The following IKZF1 variants were observed in gnomAD, a reference collection of about 807,000 sequenced individuals.
IKZF1 encodes DNA-binding protein Ikaros.
IKZF1 carries 10 observed loss-of-function variants against 51.7 expected under a neutral mutation model. The observed-to-expected ratio is 0.19, with a 90% confidence interval of 0.12 to 0.33. IKZF1 has a LOEUF of 0.33. Ranked by LOEUF, IKZF1 falls within the 10% of genes least tolerant of loss-of-function variation. IKZF1 has a pLI of 1.00. For synonymous variants in IKZF1, 280 were observed against 282.3 expected (o/e 0.99, Z 0.08); for missense variants, 484 against 707.5 (o/e 0.68, Z 3.58).
chr7:50,341,699 C>T (rs1481248146), intron 3 of IKZF1, among the ~76,000 whole-genome samples: 9 of 152,124 alleles, frequency 5.9e-5, no homozygotes, highest in Non-Finnish European at 1.0e-4. Flanking sequence ...AGAAAAATGA[C>T]ACAGGTGAAA....
intron 3 of IKZF1, chr7:50,369,645 C>T (rs1340578983): frequency 7.5e-6 from 3 of 398,430 alleles, no homozygotes; most frequent in Admixed American, 4.4e-5. Flanking sequence ...GAAGAATTGC[C>T]CCCTTTGCCC....
In IKZF1 at chr7:50,334,548, C is replaced by T. The variant is rs892594542; in HGVS notation, c.160+6791C>T. Among the ~76,000 whole-genome samples, 8 of 148,246 alleles carry T rather than the reference C, an allele frequency of 5.4e-5. No homozygotes were observed. The East Asian group carries it at 1.4e-3, about 27-fold the overall frequency. On this transcript the variant is annotated intron_variant, in intron 3 of 7. Coordinates refer to ENST00000331340, the MANE Select transcript of IKZF1 (RefSeq NM_006060.6). Reference sequence around the variant, plus strand: ...TGTATGTGTAGTGTATATGTGTATGCTGTGTATATGTATATGGGGTGTGTA... The same window carrying T: ...TGTATGTGTAGTGTATATGTGTATGTTGTGTATATGTATATGGGGTGTGTA...
chr7:50,352,170 T>C (rs892298608), intron 3 of IKZF1, among the ~76,000 whole-genome samples: 1 of 152,238 alleles, frequency 6.6e-6, no homozygotes, highest in Non-Finnish European at 1.5e-5. Context: ...AGTACACTTG[T>C]GTTTCCCTGG....
chr7:50,349,868 G>T (rs989538770), intron 3 of IKZF1, among the ~76,000 whole-genome samples: 4 of 152,158 alleles, frequency 2.6e-5, no homozygotes, highest in African/African-American at 7.2e-5. Context: ...GAAAAATAAG[G>T]CTGAAACCTA....
chr7:50,391,112 A>G (rs1465652212), intron 6 of IKZF1, among the ~76,000 whole-genome samples: 1 of 152,244 alleles, frequency 6.6e-6, no homozygotes, highest in Non-Finnish European at 1.5e-5. Context: ...AACAATTGAG[A>G]ATGACTAGAA....
At chr7:50,360,979 G>C (rs1293242890) in intron 3 of IKZF1, among the ~76,000 whole-genome samples, 1 of 152,182 alleles carries the variant, frequency 6.6e-6, no homozygotes, top group Non-Finnish European at 1.5e-5. Flanking sequence ...TATCATTTTG[G>C]CCCAGTGATC....
At position 50,382,016 on chromosome 7, in the gene IKZF1, G is replaced by T. The variant is rs528474606; in HGVS notation, c.422-524G>T. Reference sequence around the variant, plus strand: ...GGGAAAATACAGGGAAAATGTAAATGAAAAGAAGTTATTATAACTGTTATA... The same window carrying T: ...GGGAAAATACAGGGAAAATGTAAATTAAAAGAAGTTATTATAACTGTTATA... On this transcript the variant is annotated intron_variant, in intron 4 of 7. Coordinates refer to ENST00000331340, the MANE Select transcript of IKZF1 (RefSeq NM_006060.6). 3.2e-4 allele frequency among the ~76,000 whole-genome samples: 48 copies of T among 152,316 alleles called. No individual in the cohort carries two copies. In the South Asian group the frequency reaches 1.0e-2, roughly 32 times the overall value.
chr7:50,374,199 T>C (rs1809559236), intron 3 of IKZF1, among the ~76,000 whole-genome samples: 1 of 152,152 alleles, frequency 6.6e-6, no homozygotes, highest in African/African-American at 2.4e-5. Context: ...GCCCTCCATA[T>C]CCATGGGTTC....
At chr7:50,350,136 C>T (rs1220353474) in intron 3 of IKZF1, among the ~76,000 whole-genome samples, 4 of 152,242 alleles carry the variant, frequency 2.6e-5, no homozygotes, top group African/African-American at 9.6e-5. Context: ...ATGGCCACCA[C>T]CGTCCGCTGG....
At chr7:50,337,225 G>T (rs1798016810) in intron 3 of IKZF1, among the ~76,000 whole-genome samples, 3 of 152,104 alleles carry the variant, frequency 2.0e-5, no homozygotes, top group African/African-American at 7.2e-5. Context: ...CAGGACTAGG[G>T]GATGGTATTT....
intron 7 of IKZF1, among the ~76,000 whole-genome samples, chr7:50,392,676 A>T (rs1301676851): frequency 6.6e-6 from 1 of 152,242 alleles, no homozygotes; most frequent in Admixed American, 6.5e-5. Flanking sequence ...AAGATTGAGA[A>T]AACGTTTAGA....
chr7:50,330,892 G>A (rs898257244), intron 3 of IKZF1, among the ~76,000 whole-genome samples: 4 of 152,154 alleles, frequency 2.6e-5, no homozygotes, highest in Admixed American at 6.5e-5. Flanking sequence ...AGCAGGGGCG[G>A]AGAGTGCCCT....
At chr7:50,317,699 C>T (rs111415474) in intron 1 of IKZF1, among the ~76,000 whole-genome samples, 2 of 152,324 alleles carry the variant, frequency 1.3e-5, no homozygotes, top group African/African-American at 2.4e-5. Flanking sequence ...TGTATATCCT[C>T]ATCATGACTA....
intron 7 of IKZF1, chr7:50,393,806 TG>T (rs1815912014): frequency 8.6e-6 from 2 of 232,650 alleles, no homozygotes; most frequent in Admixed American, 5.6e-5. Context: ...GACAGAGAGA[TG>T]GGTGGTGACT....
intron 3 of IKZF1, chr7:50,369,389 A>T (rs1807971446): frequency 2.5e-6 from 1 of 396,430 alleles, no homozygotes; most frequent in Non-Finnish European, 4.4e-6. Context: ...CTGCATGTGA[A>T]GATGTGTTAA....
At chr7:50,311,226 T>C (rs569781522) in intron 1 of IKZF1, among the ~76,000 whole-genome samples, 2 of 152,304 alleles carry the variant, frequency 1.3e-5, no homozygotes, top group South Asian at 4.1e-4. Flanking sequence ...AAAGACTAAA[T>C]ACCCATTATT....
intron 1 of IKZF1, among the ~76,000 whole-genome samples, chr7:50,308,468 C>T (rs1464375508): frequency 6.6e-6 from 1 of 152,260 alleles, no homozygotes; most frequent in African/African-American, 2.4e-5. Context: ...TGCCTGTTAA[C>T]AGGCCTGGCC....
At chr7:50,333,335 G>C (rs1024581525) in intron 3 of IKZF1, among the ~76,000 whole-genome samples, 5 of 125,098 alleles carry the variant, frequency 4.0e-5, no homozygotes, top group East Asian at 5.7e-4. Flanking sequence ...AGTCGGGGGA[G>C]GGGGGTGGGT....
chr7:50,389,185 A>C (rs1272718270), intron 6 of IKZF1, among the ~76,000 whole-genome samples: 1 of 152,236 alleles, frequency 6.6e-6, no homozygotes, highest in East Asian at 1.9e-4. Flanking sequence ...AATGCGACTG[A>C]TAATTCGTGC....
Sources: allele counts gnomAD v4.1 joint callset (sites outside exome capture counted in the v4.1 genomes callset), GRCh38; gene constraint gnomAD v4.1.1; transcripts MANE v1.5; gene names NCBI Gene and HGNC (gene_info 2026-07-23, HGNC 2026-07-21).